The following SPOCK3 variants were observed in gnomAD, a reference collection of about 807,000 sequenced individuals.
SPOCK3 encodes the protein SPARC (osteonectin), cwcv and kazal like domains proteoglycan 3, also known as testican-3.
SPOCK3 carries 30 observed loss-of-function variants against 56.6 expected under a neutral mutation model. The ratio of observed to expected loss-of-function variants is 0.53; its 90% CI spans 0.40 to 0.72. The LOEUF (loss-of-function observed/expected upper bound fraction) is 0.72. SPOCK3 is among the 30% of genes least tolerant of loss of function. The pLI is 0.00. For missense variants in SPOCK3, 527 were observed against 530.0 expected, an observed-to-expected ratio of 0.99 and a Z score of 0.06; for synonymous variants, 196 against 183.3, an observed-to-expected ratio of 1.07 and a Z score of -0.56.
chr4:166,925,602 A>T (rs1739004853), intron 4 of SPOCK3, among the ~76,000 whole-genome samples: 1 of 152,158 alleles, frequency 6.6e-6, no homozygotes, highest in Admixed American at 6.5e-5. Flanking sequence ...CACAGTCAAA[A>T]AATGAAATAA....
chr4:166,998,878 A>G (rs1186349336), intron 4 of SPOCK3, among the ~76,000 whole-genome samples: 4 of 152,086 alleles, frequency 2.6e-5, no homozygotes, highest in Admixed American at 6.6e-5. Context: ...CACCCCCTAT[A>G]TACACACATT....
intron 2 of SPOCK3, among the ~76,000 whole-genome samples, chr4:167,115,280 C>T (rs1344364242): frequency 2.0e-5 from 3 of 148,978 alleles, no homozygotes; most frequent in Admixed American, 6.7e-5. Flanking sequence ...CTGTATGTCC[C>T]GCAAAGTAAA....
At position 166,884,621 on chromosome 4, in the gene SPOCK3, T is replaced by C. The variant is rs138798012; in HGVS notation, c.589+4509A>G. On this transcript the variant is annotated intron_variant, in intron 6 of 10. Coordinates refer to ENST00000357545, the MANE Select transcript of SPOCK3 (RefSeq NM_001040159.2). ...CTAGGATTCAGCAGCATTTTACAGG[T>C]ATAATCTTTTGAAATGAAATAGAAA... Among the ~76,000 whole-genome samples the C allele has an allele frequency of 8.1e-3, 1,229 of 152,242 alleles. 15 individuals are homozygous for C. Among genetic ancestry groups the C allele is most frequent in the African/African-American group, 0.027 (1,136 of 41,534 alleles).
intron 2 of SPOCK3, among the ~76,000 whole-genome samples, chr4:167,152,374 T>C (rs1329407621): frequency 6.6e-6 from 1 of 152,234 alleles, no homozygotes; most frequent in Non-Finnish European, 1.5e-5. Context: ...GATAGAAACA[T>C]TTTAGGAGAA....
At chr4:167,059,048 C>G (rs914988074) in intron 3 of SPOCK3, among the ~76,000 whole-genome samples, 15 of 152,000 alleles carry the variant, frequency 9.9e-5, no homozygotes, top group Non-Finnish European at 1.5e-4. Flanking sequence ...CATAAAAACC[C>G]TAGAAGAAAA....
At chr4:167,037,628 T>C (rs1217589535) in intron 3 of SPOCK3, among the ~76,000 whole-genome samples, 1 of 152,126 alleles carries the variant, frequency 6.6e-6, no homozygotes, top group Non-Finnish European at 1.5e-5. Flanking sequence ...ACAGGCACAC[T>C]GTGAAAGTCT....
chr4:167,127,572 C>T (rs1052604537), intron 2 of SPOCK3, among the ~76,000 whole-genome samples: 5 of 151,930 alleles, frequency 3.3e-5, no homozygotes, highest in Admixed American at 6.6e-5. Flanking sequence ...GGATTACAGG[C>T]GCCTGCCACC....
intron 9 of SPOCK3, among the ~76,000 whole-genome samples, chr4:166,738,964 T>C (rs1179691426): frequency 6.6e-6 from 1 of 152,102 alleles, no homozygotes; most frequent in African/African-American, 2.4e-5. Flanking sequence ...GCATGATTTA[T>C]AGTCCTTTGG....
intron 6 of SPOCK3, among the ~76,000 whole-genome samples, chr4:166,800,183 G>GAAAAAAAAAAAAAAAAAAAAAAAAAAAAA (rs367811359): frequency 9.7e-5 from 5 of 51,786 alleles, no homozygotes; most frequent in East Asian, 1.4e-3. Flanking sequence ...CTCCATCTCA[G>GAAAAAAAAAAAAAAAAAAAAAAAAAAAAA]AAAAAAAAAA....
At chr4:166,988,303 C>A (rs1747384608) in intron 4 of SPOCK3, among the ~76,000 whole-genome samples, 1 of 151,934 alleles carries the variant, frequency 6.6e-6, no homozygotes, top group Non-Finnish European at 1.5e-5. Flanking sequence ...AGTCAGTAAG[C>A]AAAATGTCAG....
At chr4:167,066,515 G>T (rs1756150973) in intron 2 of SPOCK3, among the ~76,000 whole-genome samples, 2 of 151,818 alleles carry the variant, frequency 1.3e-5, no homozygotes, top group South Asian at 4.1e-4. Flanking sequence ...ACTAGTAACA[G>T]ATTTTCTCCA....
At chr4:167,129,259 A>T (rs1286159005) in intron 2 of SPOCK3, among the ~76,000 whole-genome samples, 1 of 152,228 alleles carries the variant, frequency 6.6e-6, no homozygotes, top group Non-Finnish European at 1.5e-5. Context: ...GCATCCCATT[A>T]CATGAATCAG....
intron 4 of SPOCK3, among the ~76,000 whole-genome samples, chr4:166,939,736 C>T (rs114021938): frequency 0.012 from 1,822 of 152,218 alleles, 16 homozygotes; most frequent in Non-Finnish European, 0.021. Context: ...TAAAATAGTT[C>T]GAAACCAGAG....
rs548531475 is a variant in SPOCK3 at position 167,008,993 on chromosome 4, A to G, written c.236-8530T>C. Among the ~76,000 whole-genome samples the G allele has an allele frequency of 4.6e-5, 7 of 152,256 alleles. No homozygotes were observed. In the East Asian group the frequency reaches 1.4e-3, roughly 29 times the overall value. On this transcript the variant is annotated intron_variant, in intron 3 of 10. Transcript: ENST00000357545. Reference sequence around the variant, plus strand: ...CACATGTACCCCCAGAATCCATAACAATTAAAAAGAATAATACACCCCTAA... The same window carrying G: ...CACATGTACCCCCAGAATCCATAACGATTAAAAAGAATAATACACCCCTAA...
intron 6 of SPOCK3, among the ~76,000 whole-genome samples, chr4:166,850,880 G>C (rs1357634087): frequency 2.0e-5 from 3 of 152,242 alleles, no homozygotes; most frequent in Non-Finnish European, 4.4e-5. Context: ...AGGTGGCAGC[G>C]AGGCTGGGGG....
intron 6 of SPOCK3, among the ~76,000 whole-genome samples, chr4:166,794,210 C>CAAAAAAAAAAAAAAAAAA (rs10710162): frequency 1.4e-5 from 1 of 73,612 alleles, no homozygotes; most frequent in Non-Finnish European, 2.5e-5. Context: ...GGTGATAAGG[C>CAAAAAAAAAAAAAAAAAA]AAAAAAAAAA....
intron 2 of SPOCK3, among the ~76,000 whole-genome samples, chr4:167,116,785 A>G (rs1416724406): frequency 1.4e-5 from 2 of 138,532 alleles, no homozygotes; most frequent in Non-Finnish European, 1.6e-5. Flanking sequence ...ATATATACAT[A>G]TGTATATATA....
At chr4:166,805,345 T>G (rs532480392) in intron 6 of SPOCK3, among the ~76,000 whole-genome samples, 6 of 152,210 alleles carry the variant, frequency 3.9e-5, no homozygotes, top group Admixed American at 6.6e-5. Flanking sequence ...AGAAAATATG[T>G]TTTATAATAC....
intron 2 of SPOCK3, among the ~76,000 whole-genome samples, chr4:167,191,206 A>G (rs895652194): frequency 1.4e-5 from 2 of 145,934 alleles, no homozygotes; most frequent in African/African-American, 5.2e-5. Context: ...CATTAAATCT[A>G]TAATTAACAT....
Sources: allele counts gnomAD v4.1 joint callset (sites outside exome capture counted in the v4.1 genomes callset), GRCh38; gene constraint gnomAD v4.1.1; transcripts MANE v1.5; gene names NCBI Gene and HGNC (gene_info 2026-07-23, HGNC 2026-07-21).